The following RRP1 variants were observed in gnomAD, a reference collection of about 807,000 sequenced individuals.
RRP1 encodes ribosomal RNA processing 1.
Under a neutral mutation model 54.6 loss-of-function variants are expected in RRP1, and 37 were observed. The ratio of observed to expected loss-of-function variants is 0.68; its 90% CI spans 0.52 to 0.89. RRP1 has a LOEUF of 0.89. RRP1 is among the 40% of genes least tolerant of loss of function. The pLI is 0.00. For missense variants in RRP1, 639 were observed against 612.5 expected, an observed-to-expected ratio of 1.04 and a Z score of -0.46; for synonymous variants, 262 against 244.3, an observed-to-expected ratio of 1.07 and a Z score of -0.67.
Position 43,789,721 on chromosome 21 carries a change from A to G in RRP1, c.92A>G (p.Lys31Arg). The change falls in exon 1 of 13, where the codon AAG becomes AGG. Residue 31 changes from lysine (K) to arginine (R), a missense_variant. Coordinates refer to ENST00000497547, the MANE Select transcript of RRP1 (RefSeq NM_003683.6). ...GTGACCCGGGACCGGGCGGTGAGGA[A>G]GCTCCGGAAATACATCGTCGCCAGG... ...EQVTRDRAVR[K>R]LRKYIVARTQ... is the part of the protein sequence containing the mutation. 1 of 1,544,134 alleles carries G rather than the reference A, an allele frequency of 6.5e-7. No homozygotes were observed. The highest frequency in any genetic ancestry group is 8.7e-7 in the Non-Finnish European group (1 of 1,144,924).
At chr21:43,802,444 C>G (rs781748029) in intron 12 of RRP1, 57 bp downstream of exon 12, 2 of 1,431,190 alleles carry the variant, frequency 1.4e-6, no homozygotes, top group East Asian at 2.3e-5. Flanking sequence ...CTTGCTTCTC[C>G]CCTGGATGGG....
chr21:43,799,674 T>C (rs58078050), intron 9 of RRP1, 25 bp downstream of exon 9: 108,880 of 1,591,070 alleles, frequency 0.068, 4,422 homozygotes, highest in South Asian at 0.15. Flanking sequence ...CTCATGGCTG[T>C]GCCCTCAGCC....
Position 43,797,273 on chromosome 21 carries a change from C to T in RRP1, c.423-149C>T, listed in dbSNP as rs192126889. ...GACCTAGGATCGTTGATATCATCTG[C>T]GTGGACTTTAAGGCTGGCATGTTTG... On this transcript the variant is annotated intron_variant, in intron 5 of 12. Coordinates refer to ENST00000497547, the MANE Select transcript of RRP1 (RefSeq NM_003683.6). 1,171 of 1,335,410 alleles carry T rather than the reference C, an allele frequency of 8.8e-4. 1 individual carries two copies. Among genetic ancestry groups the T allele is most frequent in the Non-Finnish European group, 9.5e-4 (958 of 1,004,178 alleles). The allele number at this position is 1,335,410 out of a possible 1,614,324, so 82.7% of individuals were successfully genotyped here. A position where few individuals can be genotyped will look rare whatever the true frequency, so the allele number is the denominator to read the frequency against.
At chr21:43,796,819 C>T (rs2085022907) in intron 5 of RRP1, among the ~76,000 whole-genome samples, 1 of 152,192 alleles carries the variant, frequency 6.6e-6, no homozygotes, top group South Asian at 2.1e-4. Context: ...GTAGGTGCTA[C>T]ACATTATTCT....
At chr21:43,803,463 G>T (rs778504375) in intron 12 of RRP1, 49 bp from the exon 13 acceptor site, 10 of 1,492,954 alleles carry the variant, frequency 6.7e-6, no homozygotes, top group Non-Finnish European at 9.0e-6. Context: ...TAAGTGGAAA[G>T]AGCCCGTGTT....
intron 8 of RRP1, among the ~76,000 whole-genome samples, chr21:43,799,197 G>C (rs141591611): frequency 3.3e-4 from 50 of 152,252 alleles, no homozygotes; most frequent in African/African-American, 1.2e-3. Flanking sequence ...CCACCCTGAG[G>C]CTCCTCACTT....
Position 43,799,587 on chromosome 21 carries a change from G to C in RRP1, c.829G>C (p.Glu277Gln), listed in dbSNP as rs1481714467. The change falls in exon 9 of 13, where the codon GAA becomes CAA. Residue 277 changes from glutamate (E) to glutamine (Q), a missense_variant. By Grantham distance (29) the Glu-to-Gln change is conservative. Coordinates refer to ENST00000497547, the MANE Select transcript of RRP1 (RefSeq NM_003683.6). ...KPPAGSICRA[E>Q]PEAGEEQAGD... ...TGTTCCAGGCTCCATCTGCAGGGCT[G>C]AACCTGAGGCTGGTGAGGAGCAGGC... 9 of 1,612,096 alleles carry C rather than the reference G, an allele frequency of 5.6e-6. No homozygotes were observed. Among genetic ancestry groups the C allele is most frequent in the Non-Finnish European group, 7.6e-6 (9 of 1,179,832 alleles).
chr21:43,805,270 CTG>C lies in RRP1; in HGVS notation c.*1498_*1499del, dbSNP rs2085132392. 8.3e-6 allele frequency: 1 copy of C among 120,374 alleles called. No homozygotes were observed. Among genetic ancestry groups the C allele is most frequent in the African/African-American group, 3.5e-5 (1 of 28,676 alleles). 7.5% of individuals were successfully genotyped at this position (120,374 alleles called of 1,614,324 possible). A position where few individuals can be genotyped will look rare whatever the true frequency, so the allele number is the denominator to read the frequency against. On this transcript the variant is annotated 3_prime_UTR_variant, in exon 13 of 13. Coordinates refer to ENST00000497547, the MANE Select transcript of RRP1 (RefSeq NM_003683.6). The stretch of plus-strand genomic sequence containing the variant: ...CAGCCTGGGCAACGAGAGGGAAACT[CTG>C]TTTCAAAAAAAAAAAAAAAAAGACA...
chr21:43,793,307 T>G lies in RRP1; in HGVS notation c.275-12T>G. On this transcript the variant is annotated splice_polypyrimidine_tract_variant and intron_variant, in intron 3 of 12. Transcript: ENST00000497547. ...TCCTCAGTGGTTCTCTTCTGGCTTA[T>G]TCCTTCTCCAGAGCACCTGTTCCTT... 6.2e-7 allele frequency: 1 copy of G among 1,613,764 alleles called. No individual in the cohort carries two copies. Among genetic ancestry groups the G allele is most frequent in the Non-Finnish European group, 8.5e-7 (1 of 1,179,618 alleles).
At chr21:43,795,274 TG>T (rs1304494133) in intron 5 of RRP1, 24 bp downstream of exon 5, 3 of 1,611,990 alleles carry the variant, frequency 1.9e-6, no homozygotes, top group South Asian at 1.1e-5. Context: ...GGGCCTGCTC[TG>T]GGGGGACGCT....
chr21:43,793,198 T>G (rs1205374811), intron 3 of RRP1, 121 bp from the exon 4 acceptor site: 4 of 834,252 alleles, frequency 4.8e-6, no homozygotes, highest in Non-Finnish European at 7.8e-6. Context: ...GGGTAGGGCC[T>G]GGGCATCAGC....
At chr21:43,790,968 A>T (rs1298282317) in intron 1 of RRP1, 1 of 458,932 alleles carries the variant, frequency 2.2e-6, no homozygotes, top group Non-Finnish European at 4.4e-6. Flanking sequence ...ATATTACAGG[A>T]GAGTGCAGAA....
intron 4 of RRP1, among the ~76,000 whole-genome samples, chr21:43,793,787 A>T (rs1214913320): frequency 6.6e-6 from 1 of 152,228 alleles, no homozygotes; most frequent in Non-Finnish European, 1.5e-5. Context: ...TGGAGTGCTT[A>T]GCCTGCGAGG....
chr21:43,790,885 C>A, intron 1 of RRP1: 1 of 428,532 alleles, frequency 2.3e-6, no homozygotes, highest in Non-Finnish European at 4.7e-6. Context: ...GCCACCGCAC[C>A]TGGCCTCAGT....
At chr21:43,791,921 G>A (rs570054900) in intron 2 of RRP1, among the ~76,000 whole-genome samples, 3 of 152,186 alleles carry the variant, frequency 2.0e-5, no homozygotes, top group Admixed American at 6.5e-5. Context: ...ACTTGCTGAG[G>A]TGTTGATGTG....
chr21:43,803,188 T>TCAGGACCTGGCACTGCCTGGCGTC (rs2085110893), intron 12 of RRP1, among the ~76,000 whole-genome samples: 1 of 152,226 alleles, frequency 6.6e-6, no homozygotes, highest in South Asian at 2.1e-4. Context: ...GCCCTGGCGT[T>TCAGGACCTGGCACTGCCTGGCGTC]CAGGACCTGG....
chr21:43,797,196 G>GGTGC (rs1569015139), intron 5 of RRP1, among the ~76,000 whole-genome samples: 5 of 152,036 alleles, frequency 3.3e-5, no homozygotes, highest in Non-Finnish European at 2.9e-5. Context: ...CGTTCTGGTG[G>GGTGC]TGGTGCTGGT....
chr21:43,791,013 C>G, intron 1 of RRP1: 1 of 477,358 alleles, frequency 2.1e-6, no homozygotes, highest in South Asian at 1.5e-5. Context: ...TTATCACCAA[C>G]AGATTAACCT....
In RRP1 at chr21:43,798,161, TCTC is replaced by T. The variant is rs549703493; in HGVS notation, c.811+64_811+66del. On this transcript the variant is annotated intron_variant, in intron 8 of 12. Coordinates refer to ENST00000497547, the MANE Select transcript of RRP1 (RefSeq NM_003683.6). Reference sequence around the variant, plus strand: ...CCTGTCCTGGGCTGAGCCAGTGCGATCTCCTGCTGGGTTGCTCCTGCCACCTCC... The same window carrying T: ...CCTGTCCTGGGCTGAGCCAGTGCGATCTGCTGGGTTGCTCCTGCCACCTCC... 779 of 1,454,600 alleles carry T rather than the reference TCTC, an allele frequency of 5.4e-4. 2 individuals carry two copies. In the African/African-American group the frequency reaches 9.8e-3, roughly 18 times the overall value. The allele number at this position is 1,454,600 out of a possible 1,614,324, so 90.1% of individuals were successfully genotyped here.
Sources: gnomAD v4.1 joint callset for allele counts (sites outside exome capture counted in the v4.1 genomes callset) on GRCh38, gnomAD v4.1.1 for gene constraint, MANE v1.5 for transcripts, NCBI Gene and HGNC (gene_info 2026-07-23, HGNC 2026-07-21) for gene names.